The following GSG1L variants were observed in gnomAD, a reference collection of about 807,000 sequenced individuals.
The protein encoded by GSG1L is GSG1 like.
In GSG1L, 24 loss-of-function variants were observed where a neutral mutation model predicts 42.1. The ratio of observed to expected loss-of-function variants is 0.57; its 90% CI spans 0.41 to 0.80. The LOEUF is 0.80. GSG1L is among the 30% of genes least tolerant of loss of function. The pLI is 0.00. For missense variants in GSG1L, 445 were observed against 472.2 expected (o/e 0.94, Z 0.53); for synonymous variants, 215 against 203.5 (o/e 1.06, Z -0.48).
At chr16:28,048,088 G>T (rs1449308238) in intron 1 of GSG1L, among the ~76,000 whole-genome samples, 1 of 151,762 alleles carries the variant, frequency 6.6e-6, no homozygotes, top group Non-Finnish European at 1.5e-5. Flanking sequence ...AATTAGCCAG[G>T]CATGGTGGCA....
chr16:28,018,361 A>G lies in GSG1L; in HGVS notation c.349+44715T>C, dbSNP rs551536579. 2.6e-5 allele frequency among the ~76,000 whole-genome samples: 4 copies of G among 152,358 alleles called. No homozygotes were observed. The South Asian group carries it at 8.3e-4, about 32-fold the overall frequency. The stretch of plus-strand genomic sequence containing the variant: ...TCTCTGAGACTTCTCCTAGAGGCAC[A>G]AGATGGCTGCGGTAGCTCCAGACAT... On this transcript the variant is annotated intron_variant, in intron 1 of 6. Coordinates refer to ENST00000447459, the MANE Select transcript of GSG1L (RefSeq NM_001109763.2).
chr16:28,019,477 T>G (rs911865774), intron 1 of GSG1L, among the ~76,000 whole-genome samples: 1 of 152,192 alleles, frequency 6.6e-6, no homozygotes, highest in Non-Finnish European at 1.5e-5. Context: ...AGAAAACTCT[T>G]GAATAAGTTT....
intron 2 of GSG1L, among the ~76,000 whole-genome samples, chr16:27,914,957 G>A (rs573301928): frequency 1.3e-5 from 2 of 152,138 alleles, no homozygotes; most frequent in East Asian, 3.9e-4. Context: ...CTAAACTTCG[G>A]AGCCCTGTGA....
chr16:28,008,709 C>T (rs1231660272), intron 1 of GSG1L, among the ~76,000 whole-genome samples: 4 of 152,242 alleles, frequency 2.6e-5, no homozygotes, highest in Non-Finnish European at 5.9e-5. Flanking sequence ...CCGGCAGGGC[C>T]CTAGCCCAGT....
chr16:27,950,120 C>A (rs1255564305), intron 2 of GSG1L, among the ~76,000 whole-genome samples: 1 of 152,162 alleles, frequency 6.6e-6, no homozygotes, highest in Non-Finnish European at 1.5e-5. Flanking sequence ...CCTACGCCAT[C>A]ATAGATCAGT....
chr16:27,985,600 T>G (rs1248362412), intron 1 of GSG1L, among the ~76,000 whole-genome samples: 1 of 152,116 alleles, frequency 6.6e-6, no homozygotes, highest in East Asian at 1.9e-4. Context: ...TCTCAGCACT[T>G]TGGGAGGCCG....
At chr16:27,946,401 C>T (rs78039572) in intron 2 of GSG1L, among the ~76,000 whole-genome samples, 13 of 151,520 alleles carry the variant, frequency 8.6e-5, no homozygotes, top group African/African-American at 2.2e-4. Context: ...AAAAATTAGC[C>T]GGGTGTGGTG....
chr16:27,937,397 A>G (rs62033510), intron 2 of GSG1L, among the ~76,000 whole-genome samples: 23,170 of 151,918 alleles, frequency 0.15, 1,909 homozygotes, highest in Non-Finnish European at 0.19. Flanking sequence ...GCCCACCACC[A>G]TGCCCAGCTA....
chr16:27,881,354 GC>G (rs2141021043), intron 3 of GSG1L, among the ~76,000 whole-genome samples: 1 of 146,792 alleles, frequency 6.8e-6, no homozygotes, highest in African/African-American at 2.5e-5. Context: ...TGATTCTCCT[GC>G]CTCAGCCTCC....
intron 2 of GSG1L, among the ~76,000 whole-genome samples, chr16:27,926,052 G>A (rs750793543): frequency 9.8e-5 from 15 of 152,314 alleles, no homozygotes; most frequent in East Asian, 1.9e-4. Flanking sequence ...TAATTGAGGC[G>A]GGGCTTCTAA....
At chr16:27,954,874 G>T (rs544119365) in intron 2 of GSG1L, among the ~76,000 whole-genome samples, 34 of 152,228 alleles carry the variant, frequency 2.2e-4, no homozygotes, top group Non-Finnish European at 4.3e-4. Context: ...TACCTGGGCT[G>T]GTCTGGAACT....
intron 3 of GSG1L, among the ~76,000 whole-genome samples, chr16:27,877,092 C>T (rs936720315): frequency 1.8e-4 from 27 of 152,098 alleles, no homozygotes; most frequent in African/African-American, 5.3e-4. Flanking sequence ...TTGCCCAGCC[C>T]GCTCACAACC....
intron 1 of GSG1L, among the ~76,000 whole-genome samples, chr16:27,995,267 G>A (rs2085503534): frequency 6.6e-6 from 1 of 152,182 alleles, no homozygotes; most frequent in Non-Finnish European, 1.5e-5. Context: ...CGCCCTTGGA[G>A]AATATAGTAT....
intron 6 of GSG1L, among the ~76,000 whole-genome samples, chr16:27,795,679 C>T (rs1454123646): frequency 1.3e-5 from 2 of 152,172 alleles, no homozygotes; most frequent in East Asian, 1.9e-4. Context: ...CCACTCAGAG[C>T]GTGGTAGCAG....
rs1466408569 is a variant in GSG1L at position 27,822,593 on chromosome 16, T to A, written c.830+6196A>T. 2.6e-5 allele frequency among the ~76,000 whole-genome samples: 4 copies of A among 152,110 alleles called. No homozygotes were observed. In the South Asian group the frequency reaches 8.3e-4, roughly 32 times the overall value. On this transcript the variant is annotated intron_variant, in intron 5 of 6. Transcript: ENST00000447459. ...CCACCACACCCAGCTAATCTTTTAATTTTTTTGTAGAGACAGGGTCTTGCT... is the reference window on the plus strand; with the variant it reads ...CCACCACACCCAGCTAATCTTTTAAATTTTTTGTAGAGACAGGGTCTTGCT...
intron 1 of GSG1L, among the ~76,000 whole-genome samples, chr16:28,006,072 T>C (rs925765959): frequency 6.6e-6 from 1 of 152,044 alleles, no homozygotes; most frequent in African/African-American, 2.4e-5. Context: ...CCGCTGTTGC[T>C]GGCTCTGAAG....
intron 2 of GSG1L, among the ~76,000 whole-genome samples, chr16:27,885,338 G>A (rs990982730): frequency 2.6e-5 from 4 of 151,810 alleles, no homozygotes; most frequent in Non-Finnish European, 5.9e-5. Flanking sequence ...TTATAGAGAT[G>A]GGGTCTCGCC....
chr16:27,817,217 C>T (rs555080452), intron 5 of GSG1L, among the ~76,000 whole-genome samples: 1 of 152,310 alleles, frequency 6.6e-6, no homozygotes, highest in Non-Finnish European at 1.5e-5. Context: ...GGGGGCCTAC[C>T]AGGCCCCATC....
chr16:27,866,073 T>C (rs1370726273), intron 3 of GSG1L, among the ~76,000 whole-genome samples: 1 of 152,090 alleles, frequency 6.6e-6, no homozygotes, highest in Non-Finnish European at 1.5e-5. Context: ...TATCTTTCTA[T>C]TTTCCACCTC....
Sources: gnomAD v4.1 joint callset for allele counts (sites outside exome capture counted in the v4.1 genomes callset) on GRCh38, gnomAD v4.1.1 for gene constraint, MANE v1.5 for transcripts, NCBI Gene and HGNC (gene_info 2026-07-23, HGNC 2026-07-21) for gene names.